The following MGST1 variants were observed in gnomAD, a reference collection of about 807,000 sequenced individuals.
MGST1 encodes the protein microsomal glutathione S-transferase 1.
A neutral mutation model predicts 8.9 loss-of-function variants in MGST1; 5 were observed. The observed-to-expected ratio is 0.56, with a 90% confidence interval of 0.29 to 1.19. The LOEUF (loss-of-function observed/expected upper bound fraction) is 1.19, where lower values mean the gene tolerates loss of function less well. MGST1 is among the 50% of genes most tolerant of loss of function. The pLI, the probability that MGST1 is intolerant of heterozygous loss-of-function variation, is 0.08. For synonymous variants in MGST1, 54 were observed against 67.8 expected (o/e 0.80, Z 1.00); for missense variants, 182 against 187.4 (o/e 0.97, Z 0.17).
intron 1 of MGST1, among the ~76,000 whole-genome samples, chr12:16,419,447 C>A (rs1304097820): frequency 6.6e-6 from 1 of 151,968 alleles, no homozygotes; most frequent in Non-Finnish European, 1.5e-5. Context: ...AGATAGGTGC[C>A]TTTATTATTT....
intron 1 of MGST1, among the ~76,000 whole-genome samples, chr12:16,351,059 G>C (rs1027234825): frequency 6.6e-6 from 1 of 152,140 alleles, no homozygotes; most frequent in Non-Finnish European, 1.5e-5. Flanking sequence ...AAGTTCTCTG[G>C]ACTTTTGTTC....
At chr12:16,469,374 A>G (rs1941277390) in intron 4 of MGST1, among the ~76,000 whole-genome samples, 1 of 151,884 alleles carries the variant, frequency 6.6e-6, no homozygotes, top group South Asian at 2.1e-4. Context: ...TTTTTAGTAG[A>G]GACAAGGTTT....
intron 4 of MGST1, among the ~76,000 whole-genome samples, chr12:16,448,808 A>G (rs1291504219): frequency 1.3e-5 from 2 of 151,952 alleles, no homozygotes; most frequent in African/African-American, 2.4e-5. Context: ...TGCAAATGCA[A>G]TGCATGACTG....
At chr12:16,550,977 G>A (rs1455051312) in intron 4 of MGST1, 4 of 399,082 alleles carry the variant, frequency 1.0e-5, no homozygotes, top group African/African-American at 6.0e-5. Flanking sequence ...ACACAAAAAC[G>A]AATAGCAAGC....
chr12:16,448,576 T>C (rs1377219855), intron 4 of MGST1, among the ~76,000 whole-genome samples: 2 of 151,948 alleles, frequency 1.3e-5, no homozygotes, highest in Non-Finnish European at 2.9e-5. Flanking sequence ...TTCAGAAGAC[T>C]TGTCTGGAGG....
At chr12:16,424,682 G>T (rs1940870122) in intron 1 of MGST1, among the ~76,000 whole-genome samples, 1 of 152,140 alleles carries the variant, frequency 6.6e-6, no homozygotes, top group Non-Finnish European at 1.5e-5. Flanking sequence ...TTCTGACTGA[G>T]TGACACGGGC....
chr12:16,356,486 G>A (rs930767070), intron 2 of MGST1, among the ~76,000 whole-genome samples: 4 of 151,928 alleles, frequency 2.6e-5, no homozygotes, highest in Non-Finnish European at 2.9e-5. Context: ...CCTGTGCATC[G>A]GTTCTCTTCA....
chr12:16,402,783 C>T (rs1940668180), intron 1 of MGST1, among the ~76,000 whole-genome samples: 1 of 151,850 alleles, frequency 6.6e-6, no homozygotes, highest in East Asian at 1.9e-4. Context: ...ACCCAACTTT[C>T]ACTTGTATTG....
At chr12:16,374,604 CA>C (rs1315370024) in intron 3 of MGST1, among the ~76,000 whole-genome samples, 2 of 151,888 alleles carry the variant, frequency 1.3e-5, no homozygotes, top group Non-Finnish European at 2.9e-5. Flanking sequence ...GAACCTACCC[CA>C]AAGTTACACT....
rs759179822 is a variant in MGST1 at position 16,523,455 on chromosome 12, A to C, written n.483-66073A>C. On this transcript the variant is annotated intron_variant and non_coding_transcript_variant, in intron 4 of 4. Transcript: ENST00000538857. The stretch of plus-strand genomic sequence containing the variant: ...TCACCCAAGGCCTCACTCTCCTCCT[A>C]CCTCTTCCAGGAAGCTTTCATGCCT... Among the ~76,000 whole-genome samples the C allele has an allele frequency of 4.6e-5, 7 of 151,824 alleles. 1 individual carries two copies. The highest frequency in any genetic ancestry group is 8.8e-5 in the Non-Finnish European group (6 of 67,926).
At position 16,364,387 on chromosome 12, in the gene MGST1, T is replaced by G; in HGVS notation, c.*346T>G. 11 of 993,888 alleles carry G rather than the reference T, an allele frequency of 1.1e-5. No homozygotes were observed. The highest frequency in any genetic ancestry group is 9.6e-6 in the Non-Finnish European group (8 of 833,692). 61.6% of individuals were successfully genotyped at this position (993,888 alleles called of 1,614,324 possible). ...TATTTCAATACTGCTGAAACAGACA[T>G]GAAATAAAGAATTTAAAGAATGATT... On this transcript the variant is annotated 3_prime_UTR_variant, in exon 4 of 4. Coordinates refer to ENST00000396210, the MANE Select transcript of MGST1 (RefSeq NM_020300.5). The surrounding 1 kb of genome is among the most constrained non-coding windows in gnomAD (Gnocchi z 5.7).
intron 3 of MGST1, chr12:16,370,175 C>A (rs1466398313): frequency 6.6e-6 from 1 of 152,156 alleles, no homozygotes; most frequent in East Asian, 1.9e-4. Context: ...GTGATATGCT[C>A]AGTATGAGAG....
At chr12:16,474,761 C>A (rs1941310429) in intron 4 of MGST1, among the ~76,000 whole-genome samples, 1 of 152,078 alleles carries the variant, frequency 6.6e-6, no homozygotes, top group Non-Finnish European at 1.5e-5. Flanking sequence ...ATAATAAAAT[C>A]CAAATTCAGA....
chr12:16,578,103 A>G (rs992648408), intron 4 of MGST1, among the ~76,000 whole-genome samples: 1 of 152,080 alleles, frequency 6.6e-6, no homozygotes, highest in Non-Finnish European at 1.5e-5. Context: ...ACGGCACCTC[A>G]TCGCCTCCCA....
intron 4 of MGST1, among the ~76,000 whole-genome samples, chr12:16,565,786 G>A (rs531212525): frequency 4.6e-5 from 7 of 151,016 alleles, no homozygotes; most frequent in Admixed American, 2.6e-4. Context: ...CAGTATGGAG[G>A]TTCCTCAAAA....
rs1417932681 is a variant in MGST1, at chr12:16,546,425, T to C, written n.483-43103T>C. The stretch of plus-strand genomic sequence containing the variant: ...TTCTGAGTCCAGAATACCAATTGTG[T>C]AAAAAGTGCAGAGAATTCCAATTCA... On this transcript the variant is annotated intron_variant and non_coding_transcript_variant, in intron 4 of 4. Coordinates refer to the MGST1 transcript ENST00000538857. The surrounding 1 kb of genome is among the most constrained non-coding windows in gnomAD (Gnocchi z 4.7). 6.6e-6 allele frequency among the ~76,000 whole-genome samples: 1 copy of C among 152,128 alleles called. No individual in the cohort carries two copies. The highest frequency in any genetic ancestry group is 1.9e-4 in the East Asian group (1 of 5,196).
chr12:16,483,743 T>C (rs1941380105), intron 4 of MGST1, among the ~76,000 whole-genome samples: 1 of 152,166 alleles, frequency 6.6e-6, no homozygotes, highest in Non-Finnish European at 1.5e-5. Context: ...GTATATATTG[T>C]CAATTTCATT....
intron 4 of MGST1, among the ~76,000 whole-genome samples, chr12:16,443,785 G>A (rs1362576436): frequency 6.6e-6 from 1 of 151,596 alleles, no homozygotes; most frequent in Non-Finnish European, 1.5e-5. Context: ...ATTTCTCTTG[G>A]TCTCTATTCT....
At position 16,506,761 on chromosome 12, in the gene MGST1, AAAG is replaced by A. The variant is rs145270871; in HGVS notation, n.483-82765_483-82763del. On this transcript the variant is annotated intron_variant and non_coding_transcript_variant, in intron 4 of 4. Coordinates refer to the MGST1 transcript ENST00000538857. The stretch of plus-strand genomic sequence containing the variant: ...TTTGCTATTTGATTTTTTAAGGAAA[AAAG>A]ACTACTTTTTCTTGACTGAACACTG... Among the ~76,000 whole-genome samples, 1,490 of 152,334 alleles carry A rather than the reference AAAG, an allele frequency of 9.8e-3. 81 individuals are homozygous for A. In the East Asian group the frequency reaches 0.17, roughly 17 times the overall value.
Sources: gnomAD v4.1 joint callset for allele counts (sites outside exome capture counted in the v4.1 genomes callset) on GRCh38, gnomAD v4.1.1 for gene constraint, Gnocchi (gnomAD v3.1) non-coding constraint, MANE v1.5 for transcripts, NCBI Gene and HGNC (gene_info 2026-07-23, HGNC 2026-07-21) for gene names.